ECH1: variants seen among roughly 807,000 people sequenced by gnomAD.
The protein encoded by ECH1 is delta(3,5)-Delta(2,4)-dienoyl-CoA isomerase, mitochondrial.
A neutral mutation model predicts 37.0 loss-of-function variants in ECH1; 30 were observed. The observed-to-expected ratio is 0.81, with a 90% confidence interval of 0.61 to 1.10. The LOEUF is 1.10. ECH1 is among the 50% of genes least tolerant of loss of function. The probability of loss-of-function intolerance (pLI) is 0.00; values close to 1 mark genes in which losing one functional copy is unlikely to be tolerated. For synonymous variants in ECH1, 178 were observed against 176.0 expected (o/e 1.01, Z -0.09); for missense variants, 456 against 441.6 (o/e 1.03, Z -0.29).
chr19:38,825,790 C>T (rs530418907), intron 3 of ECH1, among the ~76,000 whole-genome samples: 2 of 152,186 alleles, frequency 1.3e-5, no homozygotes, highest in Non-Finnish European at 1.5e-5. Flanking sequence ...GCTGCCCCCT[C>T]GTCCATGTCC....
intron 3 of ECH1, among the ~76,000 whole-genome samples, chr19:38,821,539 C>T (rs1425795774): frequency 6.6e-6 from 1 of 152,174 alleles, no homozygotes. Context: ...CAGTGCTCTC[C>T]GGCCAGCGCA....
Position 38,817,047 on chromosome 19 carries a change from C to A in ECH1, c.588+18G>T, listed in dbSNP as rs1174671016. 1.3e-6 allele frequency: 2 copies of A among 1,561,362 alleles called. No homozygotes were observed. Among genetic ancestry groups the A allele is most frequent in the Non-Finnish European group, 1.7e-6 (2 of 1,152,922 alleles). On this transcript the variant is annotated intron_variant, in intron 6 of 9. Transcript: ENST00000221418. ...CCCACTGCCCAGCTCTAAGCAGGAG[C>A]TCGGGAGGATGACTCACCTTCACCT...
chr19:38,817,250 G>A (rs777591507), intron 5 of ECH1, 66 bp downstream of exon 5: 182 of 1,533,026 alleles, frequency 1.2e-4, no homozygotes, highest in Non-Finnish European at 4.4e-6. Context: ...GATGCCAGTG[G>A]CCGCGGCATC....
Position 38,815,873 on chromosome 19 carries a change from T to TCGGCC in ECH1, c.861_865dup (p.Glu289GlyfsTer13), listed in dbSNP as rs1454725212. The stretch of plus-strand genomic sequence containing the variant: ...GCACCTTACCACGTAGTTGAGGCTC[T>TCGGCC]CGGCCACCGAATGGTCGCGGGAATA... On this transcript the variant is annotated frameshift_variant, in exon 9 of 10. Transcript: ENST00000221418. LOFTEE classifies it low-confidence loss of function (END_TRUNC). 1 of 1,614,158 alleles carries TCGGCC rather than the reference T, an allele frequency of 6.2e-7. No homozygotes were observed. The highest frequency in any genetic ancestry group is 8.5e-7 in the Non-Finnish European group (1 of 1,180,018).
intron 3 of ECH1, among the ~76,000 whole-genome samples, chr19:38,818,942 C>G (rs1221906775): frequency 7.3e-5 from 10 of 136,202 alleles, no homozygotes; most frequent in Admixed American, 1.5e-4. Context: ...TGCACTGTTC[C>G]CAACCTGTTA....
At chr19:38,827,228 C>T (rs551871572) in intron 3 of ECH1, among the ~76,000 whole-genome samples, 33 of 152,288 alleles carry the variant, frequency 2.2e-4, no homozygotes, top group Admixed American at 6.5e-4. Flanking sequence ...GAGTTGGGAA[C>T]GCCATGACAA....
chr19:38,823,676 C>T (rs567055316), intron 3 of ECH1, among the ~76,000 whole-genome samples: 37 of 152,258 alleles, frequency 2.4e-4, no homozygotes, highest in African/African-American at 8.7e-4. Flanking sequence ...TCTAGGGTCC[C>T]GACAAGACAA....
rs563992713 is a variant in ECH1 at position 38,822,773 on chromosome 19, G to A, written c.350-5198C>T. ...CAGACCAATCAGCTCTCTGTAAAAC[G>A]GACCAACCAGCAGGATGTGGGTGGG... On this transcript the variant is annotated intron_variant, in intron 3 of 9. Transcript: ENST00000221418. 1.2e-3 allele frequency among the ~76,000 whole-genome samples: 180 copies of A among 152,290 alleles called. 1 individual carries two copies. The highest frequency in any genetic ancestry group is 4.2e-3 in the African/African-American group (173 of 41,566).
intron 6 of ECH1, 97 bp downstream of exon 6, chr19:38,816,968 A>G: frequency 7.2e-7 from 1 of 1,379,786 alleles, no homozygotes; most frequent in Non-Finnish European, 1.0e-6. Flanking sequence ...GTCGGGTTCA[A>G]CTCCGACTCT....
At position 38,822,838 on chromosome 19, in the gene ECH1, G is replaced by A. The variant is rs535735341; in HGVS notation, c.350-5263C>T. 9 of 152,444 alleles carry A rather than the reference G, an allele frequency of 5.9e-5. No homozygotes were observed. In the East Asian group the frequency reaches 1.7e-3, roughly 29 times the overall value. The allele number at this position is 152,444 out of a possible 1,614,324, so 9.4% of individuals were successfully genotyped here. On this transcript the variant is annotated intron_variant, in intron 3 of 9. Transcript: ENST00000221418. Reference sequence around the variant, plus strand: ...TAAAAGCAGGCTGTCCGAGCCAGCAGTGGCAACCCACTCACGTCCCCTTCC... The same window carrying A: ...TAAAAGCAGGCTGTCCGAGCCAGCAATGGCAACCCACTCACGTCCCCTTCC...
chr19:38,818,809 G>A (rs1166548728), intron 3 of ECH1, among the ~76,000 whole-genome samples: 2 of 152,118 alleles, frequency 1.3e-5, no homozygotes, highest in African/African-American at 4.8e-5. Context: ...TCCCACCTGT[G>A]GCTCTTAGAA....
intron 3 of ECH1, among the ~76,000 whole-genome samples, chr19:38,817,939 A>T (rs548856208): frequency 6.6e-6 from 1 of 152,326 alleles, no homozygotes; most frequent in East Asian, 1.9e-4. Flanking sequence ...TAATGTTTTT[A>T]GAGACAGGGT....
chr19:38,815,823 G>A, intron 9 of ECH1, 34 bp downstream of exon 9: 6 of 1,613,750 alleles, frequency 3.7e-6, no homozygotes, highest in Non-Finnish European at 5.1e-6. Flanking sequence ...TGGGGTTAGA[G>A]GAGGGCTGTG....
At chr19:38,821,828 C>G (rs1971667666) in intron 3 of ECH1, among the ~76,000 whole-genome samples, 1 of 152,264 alleles carries the variant, frequency 6.6e-6, no homozygotes, top group Admixed American at 6.5e-5. Flanking sequence ...GGAGCGCCAC[C>G]CCCTGCTCGG....
intron 3 of ECH1, among the ~76,000 whole-genome samples, chr19:38,821,726 C>T (rs1206702680): frequency 6.6e-6 from 1 of 152,206 alleles, no homozygotes; most frequent in African/African-American, 2.4e-5. Flanking sequence ...CCTCAGCTGC[C>T]TCCCTGTGGG....
chr19:38,825,393 C>T (rs1971724197), intron 3 of ECH1, among the ~76,000 whole-genome samples: 1 of 152,226 alleles, frequency 6.6e-6, no homozygotes, highest in Non-Finnish European at 1.5e-5. Context: ...CTTCTGCCTT[C>T]CTCGAGCAGC....
At chr19:38,824,025 A>T (rs919343721) in intron 3 of ECH1, among the ~76,000 whole-genome samples, 1 of 152,198 alleles carries the variant, frequency 6.6e-6, no homozygotes, top group Non-Finnish European at 1.5e-5. Flanking sequence ...TAACAGGCCT[A>T]ACAAAGGTAT....
At chr19:38,817,671 C>A in intron 3 of ECH1, 96 bp from the exon 4 acceptor site, 1 of 1,453,196 alleles carries the variant, frequency 6.9e-7, no homozygotes. Context: ...GTTCGAACCC[C>A]CAAACCACCA....
intron 3 of ECH1, chr19:38,819,008 T>TGTGTGTGTGTGTGTGTGTGC (rs371773394): frequency 1.9e-5 from 6 of 324,272 alleles, no homozygotes; most frequent in Admixed American, 1.3e-4. Context: ...TGTGTGTGTG[T>TGTGTGTGTGTGTGTGTGTGC]GCGGGCACGT....
Sources: gnomAD v4.1 joint callset for allele counts (sites outside exome capture counted in the v4.1 genomes callset) on GRCh38, gnomAD v4.1.1 for gene constraint, MANE v1.5 for transcripts, NCBI Gene and HGNC (gene_info 2026-07-23, HGNC 2026-07-21) for gene names.